The following ANKRD17 variants were observed in gnomAD, a reference collection of about 807,000 sequenced individuals.
ANKRD17 encodes ankyrin repeat domain-containing protein 17.
Under a neutral mutation model 229.7 loss-of-function variants are expected in ANKRD17, and 19 were observed. The ratio of observed to expected loss-of-function variants is 0.08; its 90% CI spans 0.06 to 0.12. ANKRD17 has a LOEUF of 0.12. Ranked by LOEUF, ANKRD17 falls within the 10% of genes least tolerant of loss-of-function variation. The probability of loss-of-function intolerance (pLI) is 1.00; values close to 1 mark genes in which losing one functional copy is unlikely to be tolerated. For synonymous variants in ANKRD17, 1,112 were observed against 1,146.1 expected (o/e 0.97, Z 0.60); for missense variants, 2,176 against 3,176.8 (o/e 0.68, Z 7.57).
chr4:73,155,880 A>G, intron 4 of ANKRD17, 102 bp from the exon 5 acceptor site: 2 of 1,474,922 alleles, frequency 1.4e-6, no homozygotes, highest in Non-Finnish European at 1.8e-6. Context: ...TAAAAGAGCT[A>G]TAAGCACACA....
intron 22 of ANKRD17, among the ~76,000 whole-genome samples, chr4:73,116,168 A>G (rs1458497021): frequency 6.6e-6 from 1 of 152,106 alleles, no homozygotes; most frequent in Non-Finnish European, 1.5e-5. Flanking sequence ...AATAAAAAAA[A>G]CAATAATCCC....
intron 3 of ANKRD17, among the ~76,000 whole-genome samples, chr4:73,158,822 A>G (rs1371739610): frequency 6.6e-6 from 1 of 152,244 alleles, no homozygotes; most frequent in Non-Finnish European, 1.5e-5. Flanking sequence ...CACTTAGCCT[A>G]CTTGCCATGT....
rs746856381 is a variant in ANKRD17, at chr4:73,124,993, T to C, written c.3412A>G (p.Asn1138Asp). The C allele has an allele frequency of 1.2e-6, 2 of 1,614,066 alleles. No individual in the cohort carries two copies. Among genetic ancestry groups the C allele is most frequent in the African/African-American group, 1.3e-5 (1 of 74,926 alleles). Reference sequence around the variant, plus strand: ...GACTGGGCTTCAATGTCTGCACCATTGTCCAGCAATATTTCCACAACACCA... The same window carrying C: ...GACTGGGCTTCAATGTCTGCACCATCGTCCAGCAATATTTCCACAACACCA... ...HVGVVEILLDNGADIEAQSER... is the reference protein window; with the variant it reads ...HVGVVEILLDDGADIEAQSER... The change falls in exon 18 of 34, where the codon AAT (asparagine) becomes GAT (aspartate). Residue 1138 changes from asparagine (N) to aspartate (D), a missense_variant. Around this residue, in one of 18 missense-constraint regions of ANKRD17, gnomAD observed 178 missense variants for 421.7 expected, o/e 0.42. Transcript: ENST00000358602.
At chr4:73,079,044 T>G (rs183560441) in intron 30 of ANKRD17, among the ~76,000 whole-genome samples, 154 bp from the exon 31 acceptor site, 1 of 152,254 alleles carries the variant, frequency 6.6e-6, no homozygotes, top group African/African-American at 2.4e-5. Flanking sequence ...TATTAAAATT[T>G]GGCTAAAGTT....
At chr4:73,160,727 T>G (rs1182631285) in intron 3 of ANKRD17, among the ~76,000 whole-genome samples, 1 of 152,214 alleles carries the variant, frequency 6.6e-6, no homozygotes, top group Non-Finnish European at 1.5e-5. Context: ...GAACTAGATC[T>G]ATAACTTCTT....
At chr4:73,224,606 C>A (rs1199205414) in intron 1 of ANKRD17, among the ~76,000 whole-genome samples, 1 of 152,076 alleles carries the variant, frequency 6.6e-6, no homozygotes. Context: ...CTCATAACAA[C>A]CCAGCTATGT....
In ANKRD17 at chr4:73,078,658, C is replaced by T. The variant is rs754530057; in HGVS notation, c.7392G>A (p.Gly2464=). 3.1e-6 allele frequency: 5 copies of T among 1,614,000 alleles called. No homozygotes were observed. In the African/African-American group the frequency reaches 5.3e-5, roughly 17 times the overall value. The change falls in exon 31 of 34, where the codon GGG becomes GGA. Residue 2464 remains glycine, a synonymous_variant. Transcript: ENST00000358602. ...VGHSGIWSFE[G]IGGNQDKVDW... is the part of the protein sequence containing the mutation. The stretch of plus-strand genomic sequence containing the variant: ...ATATCCTACCTTGATTGCCACCAAT[C>T]CCTTCAAAGGACCAGATGCCACTAT...
At chr4:73,179,509 TATATATA>T (rs1211020703) in intron 1 of ANKRD17, among the ~76,000 whole-genome samples, 2 of 85,074 alleles carry the variant, frequency 2.4e-5, no homozygotes, top group Admixed American at 1.4e-4. Context: ...TATATATATA[TATATATA>T]TATTTTTTTT....
chr4:73,239,622 T>C (rs911269710), intron 1 of ANKRD17, among the ~76,000 whole-genome samples: 5 of 152,118 alleles, frequency 3.3e-5, no homozygotes, highest in African/African-American at 4.8e-5. Flanking sequence ...AGGCATAGGA[T>C]TACATACACT....
chr4:73,180,668 A>C (rs943478600), intron 1 of ANKRD17, among the ~76,000 whole-genome samples: 4 of 152,202 alleles, frequency 2.6e-5, no homozygotes, highest in African/African-American at 9.6e-5. Flanking sequence ...GAGAGGGGCT[A>C]TCAAAATGAC....
chr4:73,209,041 C>G (rs1020728180), intron 1 of ANKRD17, among the ~76,000 whole-genome samples: 2 of 151,868 alleles, frequency 1.3e-5, no homozygotes, highest in African/African-American at 4.8e-5. Flanking sequence ...CTCCCCTCTA[C>G]TAAAAAATAC....
chr4:73,165,597 C>A (rs892745793), intron 2 of ANKRD17, among the ~76,000 whole-genome samples: 6 of 152,148 alleles, frequency 3.9e-5, no homozygotes, highest in African/African-American at 1.4e-4. Flanking sequence ...AACCTTGGGA[C>A]TGTGAATTTG....
chr4:73,190,469 C>T (rs1578333475), intron 1 of ANKRD17, among the ~76,000 whole-genome samples: 1 of 150,136 alleles, frequency 6.7e-6, no homozygotes, highest in South Asian at 2.1e-4. Flanking sequence ...GACAAGATAC[C>T]CAAATCAAAA....
intron 1 of ANKRD17, among the ~76,000 whole-genome samples, chr4:73,202,559 AGGT>A (rs1738821302): frequency 6.6e-6 from 1 of 152,148 alleles, no homozygotes; most frequent in African/African-American, 2.4e-5. Context: ...TTGAACACAT[AGGT>A]ATTTAGCAGA....
At chr4:73,090,575 T>A in intron 29 of ANKRD17, 92 bp downstream of exon 29, 1 of 1,494,614 alleles carries the variant, frequency 6.7e-7, no homozygotes, top group East Asian at 2.3e-5. Context: ...GTCTATATCG[T>A]CCAGAGAATA....
intron 5 of ANKRD17, among the ~76,000 whole-genome samples, chr4:73,154,855 A>C (rs942903728): frequency 6.6e-6 from 1 of 151,990 alleles, no homozygotes; most frequent in Non-Finnish European, 1.5e-5. Flanking sequence ...TCCCGGCTAA[A>C]ACGGTGAAAC....
At chr4:73,182,150 T>C (rs866479550) in intron 1 of ANKRD17, among the ~76,000 whole-genome samples, 1 of 142,960 alleles carries the variant, frequency 7.0e-6, no homozygotes, top group Non-Finnish European at 1.5e-5. Flanking sequence ...ATAACTTCCA[T>C]GAAGAGAGAA....
intron 21 of ANKRD17, 28 bp from the exon 22 acceptor site, chr4:73,118,878 GTCT>G: frequency 5.3e-6 from 5 of 946,256 alleles, no homozygotes; most frequent in Non-Finnish European, 7.3e-6. Context: ...AGATAGCATT[GTCT>G]TTTTTTTTTT....
chr4:73,244,542 T>C (rs1313481857), intron 1 of ANKRD17, among the ~76,000 whole-genome samples: 2 of 152,180 alleles, frequency 1.3e-5, no homozygotes, highest in Non-Finnish European at 2.9e-5. Context: ...GGCTACAGTA[T>C]TGGACAGCAC....
Sources: allele counts gnomAD v4.1 joint callset (sites outside exome capture counted in the v4.1 genomes callset), GRCh38; gene constraint gnomAD v4.1.1; regional missense constraint gnomAD v4.1.1; transcripts MANE v1.5; gene names NCBI Gene and HGNC (gene_info 2026-07-23, HGNC 2026-07-21).